CELSR2: variants seen among roughly 807,000 people sequenced by gnomAD.
CELSR2 encodes the protein cadherin EGF LAG seven-pass G-type receptor 2.
A neutral mutation model predicts 251.6 loss-of-function variants in CELSR2; 81 were observed. That is an observed-to-expected ratio of 0.32 (90% CI 0.27 to 0.39). CELSR2 has a LOEUF of 0.39. Among genes scored for constraint, CELSR2 ranks in the 10% least tolerant of loss-of-function variants. The pLI is 1.00. For missense variants in CELSR2, 3,365 were observed against 3,947.7 expected (o/e 0.85, Z 3.96); for synonymous variants, 1,721 against 1,670.5 (o/e 1.03, Z -0.74).
In CELSR2 at chr1:109,261,149, C is replaced by T. The variant is rs865780870; in HGVS notation, c.4066C>T (p.Pro1356Ser). The T allele has an allele frequency of 3.1e-6, 5 of 1,614,008 alleles. No homozygotes were observed. In the African/African-American group the frequency reaches 5.3e-5, roughly 17 times the overall value. ...LLVGGFKCDC[P>S]SGDFEKPYCQ... The stretch of plus-strand genomic sequence containing the variant: ...GGTGGGCGGTTTCAAGTGCGATTGC[C>T]CATCTGGAGACTTCGAGAAGCCCTA... Residue 1356 changes from proline (P) to serine (S), a missense_variant, in exon 3 of 34, where the codon CCA (proline) becomes TCA (serine). This residue lies in a region of CELSR2 where 2,093 missense variants were observed against 2,382.8 expected (regional missense o/e 0.88). Transcript: ENST00000271332. The surrounding 1 kb of genome is among the most constrained non-coding windows in gnomAD (Gnocchi z 4.8).
At position 109,250,262 on chromosome 1, in the gene CELSR2, A is replaced by T. The variant is rs375982728; in HGVS notation, c.183A>T (p.Ser61=). Residue 61 remains serine, a synonymous_variant, in exon 1 of 34, where the codon TCA becomes TCT. Coordinates refer to ENST00000271332, the MANE Select transcript of CELSR2 (RefSeq NM_001408.3). This position sits in a 1 kb window ranked among gnomAD's most constrained non-coding sequence, Gnocchi z 4.4. ...CAPMGWLCPS[S]ASNLWLYTSR... is the part of the protein sequence containing the mutation. ...CCATGGGCTGGCTCTGTCCATCCTC[A>T]GCGTCGAACCTCTGGCTCTACACCA... 9 of 1,612,226 alleles carry T rather than the reference A, an allele frequency of 5.6e-6. No homozygotes were observed. Among genetic ancestry groups the T allele is most frequent in the Non-Finnish European group, 6.8e-6 (8 of 1,179,538 alleles).
chr1:109,268,819 G>A (rs932362684), intron 18 of CELSR2, 55 bp downstream of exon 18: 65 of 1,583,276 alleles, frequency 4.1e-5, no homozygotes, highest in Non-Finnish European at 4.7e-5. Flanking sequence ...CCCGACAAGA[G>A]CGGCTGTGCT....
At chr1:109,257,244 T>C (rs1457886685) in intron 1 of CELSR2, among the ~76,000 whole-genome samples, 1 of 151,832 alleles carries the variant, frequency 6.6e-6, no homozygotes, top group African/African-American at 2.4e-5. Context: ...TCTCAGCTAT[T>C]TGGGAGGTTG....
intron 28 of CELSR2, 69 bp downstream of exon 28, chr1:109,271,791 C>T: frequency 6.4e-7 from 1 of 1,558,542 alleles, no homozygotes; most frequent in South Asian, 1.2e-5. Flanking sequence ...TGAGCCTGTA[C>T]TTTTGGCCCC....
chr1:109,250,306 G>C lies in CELSR2; in HGVS notation c.227G>C (p.Gly76Ala). The C allele has an allele frequency of 1.2e-6, 2 of 1,613,380 alleles. No individual in the cohort carries two copies. Among genetic ancestry groups the C allele is most frequent in the Non-Finnish European group, 1.7e-6 (2 of 1,180,016 alleles). The change falls in exon 1 of 34, where the codon GGC (glycine) becomes GCC (alanine). Residue 76 changes from glycine (G) to alanine (A), a missense_variant. Gly to Ala is a moderately conservative substitution (Grantham distance 60). Around this residue, in one of 5 missense-constraint regions of CELSR2, gnomAD observed 704 missense variants for 784.1 expected, o/e 0.90. Coordinates refer to ENST00000271332, the MANE Select transcript of CELSR2 (RefSeq NM_001408.3). This position sits in a 1 kb window ranked among gnomAD's most constrained non-coding sequence, Gnocchi z 4.4. ...TACACCAGCCGCTGCAGGGATGCGG[G>C]CACTGAGCTGACTGGCCACCTGGTA... ...WLYTSRCRDA[G>A]TELTGHLVPH...
Position 109,265,919 on chromosome 1 carries a change from G to A in CELSR2, c.5911+1G>A. 6.2e-7 allele frequency: 1 copy of A among 1,609,562 alleles called. No individual in the cohort carries two copies. Among genetic ancestry groups the A allele is most frequent in the Non-Finnish European group, 8.5e-7 (1 of 1,176,786 alleles). On this transcript the variant is annotated splice_donor_variant, in intron 14 of 33. Transcript: ENST00000271332. LOFTEE classifies it high-confidence loss of function. ...GAGGTCACCACCAATGGCTGTGAAG[G>A]TGGGGCTCCTGGGATGGGTGGGCAG...
Position 109,261,541 on chromosome 1 carries a change from C to T in CELSR2, c.4210C>T (p.Leu1404=). ...SFATKERDGL[L]LYNGRFNEKH... is the part of the protein sequence containing the mutation. ...TGCCACAAAGGAGCGCGACGGGTTG[C>T]TGTTGTACAATGGGCGTTTCAATGA... The change falls in exon 4 of 34, where the codon CTG becomes TTG. Residue 1404 remains leucine, a synonymous_variant. Coordinates refer to ENST00000271332, the MANE Select transcript of CELSR2 (RefSeq NM_001408.3). This position sits in a 1 kb window ranked among gnomAD's most constrained non-coding sequence, Gnocchi z 4.8. 1 of 1,614,196 alleles carries T rather than the reference C, an allele frequency of 6.2e-7. No individual in the cohort carries two copies. Among genetic ancestry groups the T allele is most frequent in the Non-Finnish European group, 8.5e-7 (1 of 1,180,018 alleles).
Position 109,267,988 on chromosome 1 carries a change from G to A in CELSR2, c.6246G>A (p.Thr2082=), listed in dbSNP as rs772380801. The A allele has an allele frequency of 8.7e-6, 14 of 1,610,702 alleles. No individual in the cohort carries two copies. The highest frequency in any genetic ancestry group is 2.2e-5 in the East Asian group (1 of 44,862). ...TCAAGGTGGCCTACCAGCTGGCCAC[G>A]CGGCTGCTGGCCCACGAGAGCACCC... ...SDVKVAYQLA[T]RLLAHESTQR... is the part of the protein sequence containing the mutation. The change falls in exon 17 of 34, where the codon ACG becomes ACA. Residue 2082 remains threonine (T), a synonymous_variant. Transcript: ENST00000271332.
chr1:109,265,772 T>C lies in CELSR2; in HGVS notation c.5765T>C (p.Leu1922Pro). 6.2e-7 allele frequency: 1 copy of C among 1,613,640 alleles called. No individual in the cohort carries two copies. Among genetic ancestry groups the C allele is most frequent in the Admixed American group, 1.7e-5 (1 of 60,004 alleles). ...HYRPPGSPTC[L>P]LCDCYPTGSL... is the part of the protein sequence containing the mutation. ...CGGCCCCCAGGCAGCCCCACCTGCCTCTTGTGTGACTGCTACCCCACAGGC... is the reference window on the plus strand; with the variant it reads ...CGGCCCCCAGGCAGCCCCACCTGCCCCTTGTGTGACTGCTACCCCACAGGC... Residue 1922 changes from leucine to proline, a missense_variant, in exon 14 of 34, where the codon CTC becomes CCC. This residue lies in a region of CELSR2 where 2,093 missense variants were observed against 2,382.8 expected (regional missense o/e 0.88). Transcript: ENST00000271332.
chr1:109,264,895 T>A lies in CELSR2; in HGVS notation c.5492T>A (p.Val1831Glu). The change falls in exon 12 of 34, where the codon GTG (valine) becomes GAG (glutamate). Residue 1831 changes from valine (V) to glutamate (E), a missense_variant. Val to Glu is a moderately radical substitution (Grantham distance 121). Around this residue, in one of 5 missense-constraint regions of CELSR2, gnomAD observed 2,093 missense variants for 2,382.8 expected, o/e 0.88. Coordinates refer to ENST00000271332, the MANE Select transcript of CELSR2 (RefSeq NM_001408.3). ...PGYYGDNCTNVCDLNPCEHQS... is the reference protein window; with the variant it reads ...PGYYGDNCTNECDLNPCEHQS... ...TACTATGGTGACAACTGTACTAATG[T>A]GTGTGACCTGAACCCGTGTGAGCAC... 6.2e-7 allele frequency: 1 copy of A among 1,614,204 alleles called. No individual in the cohort carries two copies. The highest frequency in any genetic ancestry group is 8.5e-7 in the Non-Finnish European group (1 of 1,180,022).
chr1:109,269,056 T>C lies in CELSR2; in HGVS notation c.6631+48T>C. 6.2e-7 allele frequency: 1 copy of C among 1,600,034 alleles called. No homozygotes were observed. Among genetic ancestry groups the C allele is most frequent in the Non-Finnish European group, 8.5e-7 (1 of 1,170,080 alleles). On this transcript the variant is annotated intron_variant, in intron 19 of 33. Transcript: ENST00000271332. The surrounding 1 kb of genome is among the most constrained non-coding windows in gnomAD (Gnocchi z 6.4). ...GTTGGGAGCTGGACCCCAGTGTCTGTGCAGACTCCACAGAGAGCAGGGCCC... is the reference window on the plus strand; with the variant it reads ...GTTGGGAGCTGGACCCCAGTGTCTGCGCAGACTCCACAGAGAGCAGGGCCC...
Position 109,273,317 on chromosome 1 carries a change from T to C in CELSR2, c.8490T>C (p.Ser2830=). 1 of 1,598,478 alleles carries C rather than the reference T, an allele frequency of 6.3e-7. No individual in the cohort carries two copies. The highest frequency in any genetic ancestry group is 8.5e-7 in the Non-Finnish European group (1 of 1,171,986). ...GGTCCCTAGGCCCCCTTCCAGGCTC[T>C]TCTGCCCAGCCTCACAAAGGTGAGT... is the stretch of plus-strand genomic sequence containing the variant. ...REGSLGPLPG[S]SAQPHKGILK... The change falls in exon 32 of 34, where the codon TCT becomes TCC. Residue 2830 remains serine, a synonymous_variant. Transcript: ENST00000271332.
chr1:109,250,476 G>A lies in CELSR2; in HGVS notation c.397G>A (p.Glu133Lys), dbSNP rs1046257593. 1.2e-6 allele frequency: 2 copies of A among 1,613,730 alleles called. No homozygotes were observed. The highest frequency in any genetic ancestry group is 1.7e-6 in the Non-Finnish European group (2 of 1,180,024). ...LSPQGKLTLP[E>K]EHPCLKAPRL... The stretch of plus-strand genomic sequence containing the variant: ...CCCACAGGGCAAGCTCACACTGCCC[G>A]AGGAGCACCCGTGCTTAAAGGCTCC... Residue 133 changes from glutamate (E) to lysine (K), a missense_variant, in exon 1 of 34, where the codon GAG becomes AAG. Transcript: ENST00000271332. The surrounding 1 kb of genome is among the most constrained non-coding windows in gnomAD (Gnocchi z 4.4).
At position 109,251,660 on chromosome 1, in the gene CELSR2, C is replaced by T. The variant is rs528348919; in HGVS notation, c.1581C>T (p.Val527=). 5 of 1,613,976 alleles carry T rather than the reference C, an allele frequency of 3.1e-6. No homozygotes were observed. The East Asian group carries it at 1.1e-4, about 36-fold the overall frequency. ...CCTTAGGCTACCTGGTTCTCCATGT[C>T]CAGGCTATCGACGCTGATGCTGGTG... ...SVPLGYLVLH[V]QAIDADAGDN... is the part of the protein sequence containing the mutation. Residue 527 remains valine (V), a synonymous_variant, in exon 1 of 34, where the codon GTC becomes GTT. Coordinates refer to ENST00000271332, the MANE Select transcript of CELSR2 (RefSeq NM_001408.3). This position sits in a 1 kb window ranked among gnomAD's most constrained non-coding sequence, Gnocchi z 4.9.
chr1:109,268,671 C>G lies in CELSR2; in HGVS notation c.6409C>G (p.Leu2137Val). The G allele has an allele frequency of 6.2e-7, 1 of 1,614,078 alleles. No individual in the cohort carries two copies. The highest frequency in any genetic ancestry group is 8.5e-7 in the Non-Finnish European group (1 of 1,179,988). Residue 2137 changes from leucine (L) to valine (V), a missense_variant, in exon 18 of 34, where the codon CTG becomes GTG. Around this residue, in one of 5 missense-constraint regions of CELSR2, gnomAD observed 2,093 missense variants for 2,382.8 expected, o/e 0.88. Transcript: ENST00000271332. ...IQQTEGGTAW[L>V]LQHYEAYASA... ...GCAGACAGAGGGTGGCACCGCCTGGCTGCTCCAGCACTATGAGGCCTACGC... is the reference window on the plus strand; with the variant it reads ...GCAGACAGAGGGTGGCACCGCCTGGGTGCTCCAGCACTATGAGGCCTACGC...
rs1656289656 is a variant in CELSR2 at position 109,269,092 on chromosome 1, GAC to G, written c.6632-16_6632-15del. The G allele has an allele frequency of 6.3e-7, 1 of 1,598,160 alleles. No individual in the cohort carries two copies. Among genetic ancestry groups the G allele is most frequent in the African/African-American group, 1.3e-5 (1 of 74,480 alleles). ...CAGAGAGCAGGGCCCAGCTAAGTGTGACAGTGTCCCCTCCCAGAGACGCCCCC... is the reference window on the plus strand; with the variant it reads ...CAGAGAGCAGGGCCCAGCTAAGTGTGAGTGTCCCCTCCCAGAGACGCCCCC... On this transcript the variant is annotated splice_polypyrimidine_tract_variant and intron_variant, in intron 19 of 33. Coordinates refer to ENST00000271332, the MANE Select transcript of CELSR2 (RefSeq NM_001408.3). The surrounding 1 kb of genome is among the most constrained non-coding windows in gnomAD (Gnocchi z 6.4).
intron 1 of CELSR2, 113 bp downstream of exon 1, chr1:109,253,502 C>T (rs1655760961): frequency 6.8e-7 from 1 of 1,465,768 alleles, no homozygotes. Context: ...CCTCCCTGCC[C>T]AGTGCCTGGC....
chr1:109,270,618 C>T lies in CELSR2; in HGVS notation c.7483+18C>T, dbSNP rs1046891932. ...CATCACAGGTACTCCCACCCATTCC[C>T]AGTCTTGGGGTCCCACATCCCTGGG... On this transcript the variant is annotated intron_variant, in intron 24 of 33. Transcript: ENST00000271332. 1 of 495,858 alleles carries T rather than the reference C, an allele frequency of 2.0e-6. No homozygotes were observed. The highest frequency in any genetic ancestry group is 3.0e-6 in the Non-Finnish European group (1 of 338,692). 30.7% of individuals were successfully genotyped at this position (495,858 alleles called of 1,614,324 possible). A position where few individuals can be genotyped will look rare whatever the true frequency, so the allele number is the denominator to read the frequency against.
chr1:109,274,376 T>C lies in CELSR2; in HGVS notation c.*327T>C. The C allele has an allele frequency of 7.0e-6, 3 of 429,940 alleles. No homozygotes were observed. The highest frequency in any genetic ancestry group is 1.2e-5 in the Non-Finnish European group (3 of 246,270). 26.6% of individuals were successfully genotyped at this position (429,940 alleles called of 1,614,324 possible). A position where few individuals can be genotyped will look rare whatever the true frequency, so the allele number is the denominator to read the frequency against. ...TTCATGACTTCAGGGATTCATTTTT[T>C]TTATACGCTGGAAATTGACTCCCCT... On this transcript the variant is annotated 3_prime_UTR_variant, in exon 34 of 34. Coordinates refer to ENST00000271332, the MANE Select transcript of CELSR2 (RefSeq NM_001408.3).
Sources: gnomAD v4.1 joint callset for allele counts (sites outside exome capture counted in the v4.1 genomes callset) on GRCh38, gnomAD v4.1.1 for gene constraint, gnomAD v4.1.1 regional missense constraint, Gnocchi (gnomAD v3.1) non-coding constraint, MANE v1.5 for transcripts, NCBI Gene and HGNC (gene_info 2026-07-23, HGNC 2026-07-21) for gene names.